Variants in ATP13A3 observed in about 807,000 individuals in gnomAD.
ATP13A3 encodes polyamine-transporting ATPase 13A3.
A neutral mutation model predicts 158.1 loss-of-function variants in ATP13A3; 59 were observed. The ratio of observed to expected loss-of-function variants is 0.37; its 90% CI spans 0.30 to 0.46. The LOEUF is 0.46. Among genes scored for constraint, ATP13A3 ranks in the 20% least tolerant of loss-of-function variants. The pLI is 1.00. For missense variants in ATP13A3, 1,166 were observed against 1,525.2 expected, an observed-to-expected ratio of 0.76 and a Z score of 3.92; for synonymous variants, 491 against 504.3, an observed-to-expected ratio of 0.97 and a Z score of 0.35.
At chr3:194,482,184 C>T (rs1025010551) in intron 2 of ATP13A3, among the ~76,000 whole-genome samples, 2 of 152,188 alleles carry the variant, frequency 1.3e-5, no homozygotes, top group Admixed American at 1.3e-4. Flanking sequence ...ACTATCATAA[C>T]AGTGATCATT....
Position 194,403,940 on chromosome 3 carries a change from C to A in ATP13A3, c.*1979G>T. 3.2e-6 allele frequency: 1 copy of A among 312,684 alleles called. No homozygotes were observed. The highest frequency in any genetic ancestry group is 2.6e-5 in the South Asian group (1 of 38,218). 19.4% of individuals were successfully genotyped at this position (312,684 alleles called of 1,614,324 possible). ...AGTGGGGGGGGGGTGTCAAAAATAG[C>A]TCTTTATGATCATGCTCTTAAAGAT... is the stretch of plus-strand genomic sequence containing the variant. On this transcript the variant is annotated 3_prime_UTR_variant, in exon 34 of 34. Coordinates refer to ENST00000645319, the MANE Select transcript of ATP13A3 (RefSeq NM_001367549.1).
chr3:194,430,263 C>A lies in ATP13A3; in HGVS notation c.2667+10G>T. 6.2e-7 allele frequency: 1 copy of A among 1,613,786 alleles called. No individual in the cohort carries two copies. Among genetic ancestry groups the A allele is most frequent in the East Asian group, 2.2e-5 (1 of 44,858 alleles). On this transcript the variant is annotated intron_variant, in intron 25 of 33. Coordinates refer to ENST00000645319, the MANE Select transcript of ATP13A3 (RefSeq NM_001367549.1). Reference sequence around the variant, plus strand: ...GAACTATAAAACTAAATCACAAAAACTATACTTACACCACAATCATTTGCG... The same window carrying A: ...GAACTATAAAACTAAATCACAAAAAATATACTTACACCACAATCATTTGCG...
At chr3:194,410,348 G>A (rs1424798858) in intron 33 of ATP13A3, among the ~76,000 whole-genome samples, 2 of 140,908 alleles carry the variant, frequency 1.4e-5, no homozygotes, top group Admixed American at 7.4e-5. Context: ...GGCCTGGGAT[G>A]GCATGCACCT....
At chr3:194,459,695 T>C in intron 5 of ATP13A3, 94 bp downstream of exon 5, 1 of 1,367,388 alleles carries the variant, frequency 7.3e-7, no homozygotes, top group Non-Finnish European at 1.0e-6. Context: ...ATCTCAAGCA[T>C]TAACTGCAAA....
Position 194,455,880 on chromosome 3 carries a change from T to TCTTATATA in ATP13A3, c.630+12_630+13insTATATAAG. 6.9e-7 allele frequency: 1 copy of TCTTATATA among 1,445,574 alleles called. No individual in the cohort carries two copies. Among genetic ancestry groups the TCTTATATA allele is most frequent in the African/African-American group, 1.4e-5 (1 of 69,418 alleles). The allele number at this position is 1,445,574 out of a possible 1,614,324, so 89.5% of individuals were successfully genotyped here. ...ATCATGACTGTTAAGTTATATACAA[T>TCTTATATA]CAATAGTCTTACCTCTTTAATTAGA... On this transcript the variant is annotated intron_variant, in intron 8 of 33. Transcript: ENST00000645319.
intron 5 of ATP13A3, 87 bp from the exon 6 acceptor site, chr3:194,459,628 G>A (rs1445442988): frequency 1.8e-5 from 20 of 1,139,374 alleles, no homozygotes; most frequent in Middle Eastern, 2.2e-4. Flanking sequence ...GCTATATATA[G>A]GATTATATAT....
chr3:194,448,133 A>C lies in ATP13A3; in HGVS notation c.1151-124T>G. The stretch of plus-strand genomic sequence containing the variant: ...CGCTCTGTCACCCAGGCTGGAGTAC[A>C]GTGGTGTGATCTCGACTCACTGCAA... On this transcript the variant is annotated intron_variant, in intron 12 of 33. Transcript: ENST00000645319. This position sits in a 1 kb window ranked among gnomAD's most constrained non-coding sequence, Gnocchi z 4.0. The C allele has an allele frequency of 1.0e-6, 1 of 965,736 alleles. No individual in the cohort carries two copies. The highest frequency in any genetic ancestry group is 1.7e-5 in the African/African-American group (1 of 59,742). The allele number at this position is 965,736 out of a possible 1,614,324, so 59.8% of individuals were successfully genotyped here. A position where few individuals can be genotyped will look rare whatever the true frequency, so the allele number is the denominator to read the frequency against.
At chr3:194,484,757 A>G (rs992155293) in intron 2 of ATP13A3, among the ~76,000 whole-genome samples, 1 of 152,174 alleles carries the variant, frequency 6.6e-6, no homozygotes, top group Non-Finnish European at 1.5e-5. Context: ...ACCTAAACTA[A>G]CTATGTAAGT....
intron 2 of ATP13A3, among the ~76,000 whole-genome samples, chr3:194,466,779 A>C (rs1206637065): frequency 6.6e-6 from 1 of 152,344 alleles, no homozygotes; most frequent in African/African-American, 2.4e-5. Flanking sequence ...TGAGCCCAAA[A>C]GTTTGAGTCC....
intron 30 of ATP13A3, among the ~76,000 whole-genome samples, chr3:194,421,348 A>T (rs972054901): frequency 8.1e-5 from 12 of 147,730 alleles, no homozygotes; most frequent in South Asian, 4.3e-4. Context: ...GGTCAGGATA[A>T]CGAGACCATC....
chr3:194,431,647 A>C (rs1305413747), intron 22 of ATP13A3, 70 bp downstream of exon 22: 4 of 1,392,982 alleles, frequency 2.9e-6, no homozygotes, highest in Admixed American at 5.9e-5. Context: ...TTAATGCACC[A>C]CTTTTTTTAT....
intron 8 of ATP13A3, among the ~76,000 whole-genome samples, chr3:194,454,886 A>G (rs1719112282): frequency 6.6e-6 from 1 of 152,136 alleles, no homozygotes; most frequent in South Asian, 2.1e-4. Context: ...AAAATACTAG[A>G]ATTTGGCTAA....
intron 17 of ATP13A3, 149 bp downstream of exon 17, chr3:194,438,707 T>C (rs1405818413): frequency 2.3e-6 from 1 of 441,502 alleles, no homozygotes; most frequent in Non-Finnish European, 3.8e-6. Context: ...GAGGCCAAGG[T>C]TGAGGGGGAT....
chr3:194,453,823 C>T (rs773879500), intron 9 of ATP13A3, 45 bp from the exon 10 acceptor site: 2 of 1,481,662 alleles, frequency 1.3e-6, no homozygotes, highest in Non-Finnish European at 1.9e-6. Context: ...TATGAACCCA[C>T]TCCTCAGGAA....
At chr3:194,435,199 C>A (rs1476776936) in intron 20 of ATP13A3, among the ~76,000 whole-genome samples, 3 of 152,150 alleles carry the variant, frequency 2.0e-5, no homozygotes, top group African/African-American at 7.2e-5. Context: ...AATGAAACTG[C>A]TGGTTTTAAC....
chr3:194,487,257 G>A (rs1371908632), upstream of ATP13A3, among the ~76,000 whole-genome samples: 1 of 152,134 alleles, frequency 6.6e-6, no homozygotes, highest in African/African-American at 2.4e-5. Context: ...GGGATGAAAT[G>A]GAACGGCAAA....
chr3:194,452,152 C>T (rs949820023), intron 10 of ATP13A3: 1 of 152,018 alleles, frequency 6.6e-6, no homozygotes, highest in African/African-American at 2.4e-5. Context: ...GCCAGGAGTA[C>T]CAAACCAGCC....
At chr3:194,437,261 A>C (rs771542705) in intron 19 of ATP13A3, 46 bp from the exon 20 acceptor site, 2 of 1,613,722 alleles carry the variant, frequency 1.2e-6, no homozygotes, top group African/African-American at 2.7e-5. Context: ...TTGCTAATAC[A>C]AGTTTACTCA....
Position 194,454,685 on chromosome 3 carries a change from T to C in ATP13A3, c.631-293A>G, listed in dbSNP as rs539397140. Reference sequence around the variant, plus strand: ...TACTAAAAAATACAAAAAAGTTAGCTGGGCATGGTGGCAGGCGCCTGTAGT... The same window carrying C: ...TACTAAAAAATACAAAAAAGTTAGCCGGGCATGGTGGCAGGCGCCTGTAGT... On this transcript the variant is annotated intron_variant, in intron 8 of 33. Coordinates refer to ENST00000645319, the MANE Select transcript of ATP13A3 (RefSeq NM_001367549.1). Among the ~76,000 whole-genome samples, 498 of 152,126 alleles carry C rather than the reference T, an allele frequency of 3.3e-3. 4 individuals are homozygous for C. Among genetic ancestry groups the C allele is most frequent in the African/African-American group, 0.011 (451 of 41,496 alleles).
Sources: gnomAD v4.1 joint callset for allele counts (sites outside exome capture counted in the v4.1 genomes callset) on GRCh38, gnomAD v4.1.1 for gene constraint, Gnocchi (gnomAD v3.1) non-coding constraint, MANE v1.5 for transcripts, NCBI Gene and HGNC (gene_info 2026-07-23, HGNC 2026-07-21) for gene names.